The following C2orf76 variants were observed in gnomAD, a reference collection of about 807,000 sequenced individuals.
C2orf76 encodes chromosome 2 open reading frame 76, also known as UPF0538 protein C2orf76.
Under a neutral mutation model 16.9 loss-of-function variants are expected in C2orf76, and 23 were observed. The observed-to-expected ratio is 1.36, with a 90% CI of 0.98 to 1.93. The LOEUF (loss-of-function observed/expected upper bound fraction) is 1.93, where lower values mean the gene tolerates loss of function less well. Ranked by LOEUF, C2orf76 falls within the 30% of genes most tolerant of loss-of-function variation. The probability of loss-of-function intolerance (pLI) is 0.00; values close to 1 mark genes in which losing one functional copy is unlikely to be tolerated. For synonymous variants in C2orf76, 48 were observed against 52.3 expected (o/e 0.92, Z 0.35); for missense variants, 152 against 152.6 (o/e 1.00, Z 0.02).
chr2:119,342,834 C>T (rs1680077817), intron 1 of C2orf76, among the ~76,000 whole-genome samples: 1 of 151,960 alleles, frequency 6.6e-6, no homozygotes, highest in Non-Finnish European at 1.5e-5. Flanking sequence ...CATCTTGGCT[C>T]ACTGCAACGT....
chr2:119,333,240 T>A (rs1573653091), intron 2 of C2orf76, among the ~76,000 whole-genome samples: 1 of 152,154 alleles, frequency 6.6e-6, no homozygotes. Context: ...AAGGGACGGG[T>A]TCTCTACAGA....
intron 2 of C2orf76, among the ~76,000 whole-genome samples, chr2:119,324,666 C>G (rs1038143926): frequency 2.6e-5 from 4 of 152,178 alleles, no homozygotes; most frequent in African/African-American, 7.2e-5. Flanking sequence ...ACTGAGGTCT[C>G]AAGAAGTGCC....
downstream of C2orf76, among the ~76,000 whole-genome samples, chr2:119,298,287 A>ACC (rs1678569592): frequency 1.3e-5 from 2 of 152,196 alleles, no homozygotes; most frequent in African/African-American, 4.8e-5. Context: ...AATTTTAGTG[A>ACC]ATGGTATGAA....
intron 2 of C2orf76, among the ~76,000 whole-genome samples, chr2:119,337,779 G>C (rs948835108): frequency 1.3e-5 from 2 of 152,214 alleles, no homozygotes; most frequent in Admixed American, 6.5e-5. Context: ...CACTGCAGAT[G>C]AAAGGTGTGA....
At chr2:119,339,738 T>G (rs1259517560) in intron 2 of C2orf76, 89 bp downstream of exon 2, 8 of 1,388,130 alleles carry the variant, frequency 5.8e-6, no homozygotes, top group Non-Finnish European at 7.9e-6. Context: ...TTCAAAGTAC[T>G]TTAGGATTTG....
rs1330363541 is a variant in C2orf76, at chr2:119,334,788, A to G, written c.133+5039T>C. Among the ~76,000 whole-genome samples, 5 of 152,104 alleles carry G rather than the reference A, an allele frequency of 3.3e-5. No individual in the cohort carries two copies. In the East Asian group the frequency reaches 9.6e-4, roughly 29 times the overall value. ...CAAGAGAATCTAATCTATCTGTACT[A>G]CAAATGCTACAACAACCTTACTGAA... On this transcript the variant is annotated intron_variant, in intron 2 of 5. Transcript: ENST00000334816.
At chr2:119,362,484 A>G (rs1680775216) in intron 1 of C2orf76, among the ~76,000 whole-genome samples, 1 of 152,338 alleles carries the variant, frequency 6.6e-6, no homozygotes, top group East Asian at 1.9e-4. Context: ...GTGGTTTGTC[A>G]TGTGCAGCTA....
At chr2:119,282,653 C>T in the C2orf76 span, among the ~76,000 whole-genome samples, 7 of 152,176 alleles carry the variant, frequency 4.6e-5, no homozygotes, top group Non-Finnish European at 1.5e-5. Context: ...GTGAGCACCC[C>T]GGTGCATCCT....
chr2:119,311,116 C>G, intron 5 of C2orf76: 1 of 971,268 alleles, frequency 1.0e-6, no homozygotes, highest in South Asian at 4.8e-5. Context: ...CATGCACATT[C>G]TAGGCTGGAA....
intron 2 of C2orf76, among the ~76,000 whole-genome samples, chr2:119,333,346 C>T (rs552142471): frequency 6.6e-6 from 1 of 152,278 alleles, no homozygotes; most frequent in South Asian, 2.1e-4. Flanking sequence ...TCAATAAATG[C>T]TAAAACCATA....
intron 2 of C2orf76, among the ~76,000 whole-genome samples, chr2:119,324,040 G>A (rs961244561): frequency 2.0e-5 from 3 of 152,064 alleles, no homozygotes; most frequent in Non-Finnish European, 4.4e-5. Context: ...GTGAATTATG[G>A]GCCAAAGCAG....
intron 2 of C2orf76, among the ~76,000 whole-genome samples, chr2:119,323,816 A>G (rs1679424044): frequency 6.6e-6 from 1 of 152,166 alleles, no homozygotes; most frequent in Non-Finnish European, 1.5e-5. Flanking sequence ...GTGCTGTAGG[A>G]ACATGAGCCT....
At chr2:119,349,408 G>A (rs1263270384) in intron 1 of C2orf76, among the ~76,000 whole-genome samples, 1 of 152,150 alleles carries the variant, frequency 6.6e-6, no homozygotes, top group Non-Finnish European at 1.5e-5. Flanking sequence ...TTATACTCCT[G>A]CTATGTACCA....
rs143264628 is a variant in C2orf76 at position 119,347,570 on chromosome 2, G to A, written c.-12-7599C>T. ...GAGGAAAAACAATTATAGAAGCGTA[G>A]ATTAAAAAAAGAATAGTAGAGACCA... On this transcript the variant is annotated intron_variant, in intron 1 of 5. Coordinates refer to ENST00000334816, the MANE Select transcript of C2orf76 (RefSeq NM_001322331.2). 6.0e-4 allele frequency among the ~76,000 whole-genome samples: 91 copies of A among 152,090 alleles called. 2 individuals carry two copies. In the East Asian group the frequency reaches 0.013, roughly 22 times the overall value.
intron 2 of C2orf76, among the ~76,000 whole-genome samples, chr2:119,326,290 T>G: frequency 6.6e-6 from 1 of 152,252 alleles, no homozygotes; most frequent in East Asian, 1.9e-4. Context: ...TTTATTTGCA[T>G]ATGGCTATCC....
the C2orf76 span, among the ~76,000 whole-genome samples, chr2:119,282,942 G>A: frequency 6.6e-6 from 1 of 152,172 alleles, no homozygotes; most frequent in Non-Finnish European, 1.5e-5. Flanking sequence ...CTCGTCCTTG[G>A]GAGAGCTCCT....
intron 1 of C2orf76, among the ~76,000 whole-genome samples, chr2:119,341,608 C>T (rs1680031590): frequency 6.6e-6 from 1 of 152,098 alleles, no homozygotes; most frequent in Non-Finnish European, 1.5e-5. Context: ...TCTGAAGTAT[C>T]AAAAACGCAT....
chr2:119,345,692 T>C (rs1474459701), intron 1 of C2orf76, among the ~76,000 whole-genome samples: 7 of 152,182 alleles, frequency 4.6e-5, no homozygotes, highest in African/African-American at 1.4e-4. Context: ...GTACAGACAG[T>C]ATTTCAGCGT....
At chr2:119,281,775 C>T in the C2orf76 span, among the ~76,000 whole-genome samples, 7 of 151,986 alleles carry the variant, frequency 4.6e-5, no homozygotes, top group African/African-American at 1.5e-4. Flanking sequence ...GGTGGAGACC[C>T]GCTCTCAAAA....
Sources: allele counts gnomAD v4.1 joint callset (sites outside exome capture counted in the v4.1 genomes callset), GRCh38; gene constraint gnomAD v4.1.1; transcripts MANE v1.5; gene names NCBI Gene and HGNC (gene_info 2026-07-23, HGNC 2026-07-21).